ARL15: variants seen among roughly 807,000 people sequenced by gnomAD.
The protein encoded by ARL15 is ARF like GTPase 15.
In ARL15, 19 loss-of-function variants were observed where a neutral mutation model predicts 25.2. The observed-to-expected ratio is 0.75, with a 90% CI of 0.53 to 1.10. The LOEUF (loss-of-function observed/expected upper bound fraction) is 1.10, where lower values mean the gene tolerates loss of function less well. Among genes scored for constraint, ARL15 ranks in the 50% least tolerant of loss-of-function variants. The pLI is 0.00. For missense variants in ARL15, 220 were observed against 246.0 expected (o/e 0.89, Z 0.71); for synonymous variants, 94 against 86.8 (o/e 1.08, Z -0.46).
intron 4 of ARL15, among the ~76,000 whole-genome samples, chr5:53,965,932 A>C (rs909071390): frequency 6.6e-6 from 1 of 152,210 alleles, no homozygotes; most frequent in African/African-American, 2.4e-5. Context: ...TCTGCAGTGT[A>C]TTAAAAGGTA....
intron 4 of ARL15, among the ~76,000 whole-genome samples, chr5:54,013,364 C>T (rs958711027): frequency 6.6e-6 from 1 of 152,174 alleles, no homozygotes; most frequent in Non-Finnish European, 1.5e-5. Context: ...GGCTGGCTGT[C>T]CTCACTCATT....
chr5:53,986,887 G>A (rs897548666), intron 4 of ARL15, among the ~76,000 whole-genome samples: 15 of 152,184 alleles, frequency 9.9e-5, no homozygotes, highest in Non-Finnish European at 2.1e-4. Context: ...AAACAAAGAG[G>A]GGATGGGATT....
chr5:53,991,056 G>C (rs1748474021), intron 4 of ARL15, among the ~76,000 whole-genome samples: 1 of 151,906 alleles, frequency 6.6e-6, no homozygotes, highest in Non-Finnish European at 1.5e-5. Context: ...CCACCCCATG[G>C]GTATAATTCC....
chr5:54,185,480 G>C (rs1174780721), intron 1 of ARL15, among the ~76,000 whole-genome samples: 2 of 152,190 alleles, frequency 1.3e-5, no homozygotes, highest in South Asian at 2.1e-4. Flanking sequence ...ACTGGACTTA[G>C]AGCACTTGAA....
chr5:54,019,543 G>A (rs1416029967), intron 4 of ARL15, among the ~76,000 whole-genome samples: 4 of 152,200 alleles, frequency 2.6e-5, no homozygotes. Context: ...CGACAGTTAA[G>A]TATGTTGGGG....
chr5:53,996,756 G>T (rs554977312), intron 4 of ARL15, among the ~76,000 whole-genome samples: 1 of 152,068 alleles, frequency 6.6e-6, no homozygotes, highest in Non-Finnish European at 1.5e-5. Context: ...AAGTCCCCTA[G>T]GTAGGAATGG....
At chr5:54,280,340 A>G (rs1217810738) in intron 1 of ARL15, among the ~76,000 whole-genome samples, 2 of 152,226 alleles carry the variant, frequency 1.3e-5, no homozygotes, top group Admixed American at 6.5e-5. Context: ...ATAACTAAAA[A>G]ACATGTTTAG....
In ARL15 at chr5:54,092,612, T is replaced by C. The variant is rs1313093946; in HGVS notation, c.462+20590A>G. On this transcript the variant is annotated intron_variant, in intron 4 of 4. Transcript: ENST00000504924. ...CTGGATATAGGGGCTATTAACCTTT[T>C]AATCTTTGCATTATTCCTTAAAGCG... Among the ~76,000 whole-genome samples the C allele has an allele frequency of 4.3e-4, 65 of 152,206 alleles. 2 individuals are homozygous for C.
chr5:53,989,011 T>G (rs1664795), intron 4 of ARL15, among the ~76,000 whole-genome samples: 96,528 of 151,970 alleles, frequency 0.64, 31,129 homozygotes, highest in East Asian at 0.86. Context: ...TCTGCAAGGC[T>G]GATGGGCTAG....
chr5:54,214,189 C>T (rs370427754), intron 1 of ARL15, among the ~76,000 whole-genome samples: 1 of 152,150 alleles, frequency 6.6e-6, no homozygotes, highest in Non-Finnish European at 1.5e-5. Flanking sequence ...TAATAAGAAG[C>T]CTTCAGCTCC....
At chr5:54,201,752 T>C (rs774403720) in intron 1 of ARL15, among the ~76,000 whole-genome samples, 3 of 152,182 alleles carry the variant, frequency 2.0e-5, no homozygotes, top group Non-Finnish European at 4.4e-5. Flanking sequence ...ATACCTATGG[T>C]GATGGTCCTG....
At chr5:54,055,054 AC>A (rs1226992430) in intron 4 of ARL15, among the ~76,000 whole-genome samples, 20 of 152,334 alleles carry the variant, frequency 1.3e-4, no homozygotes, top group Admixed American at 8.5e-4. Flanking sequence ...GGCTTTTAGT[AC>A]ATACAGAGTT....
At chr5:54,064,878 G>A (rs1751169929) in intron 4 of ARL15, among the ~76,000 whole-genome samples, 1 of 152,154 alleles carries the variant, frequency 6.6e-6, no homozygotes, top group Non-Finnish European at 1.5e-5. Context: ...CACATTTATG[G>A]ATAGCCAACT....
chr5:53,991,572 G>A (rs1748498214), intron 4 of ARL15, among the ~76,000 whole-genome samples: 1 of 147,446 alleles, frequency 6.8e-6, no homozygotes, highest in Non-Finnish European at 1.5e-5. Flanking sequence ...GGGGGGGCGG[G>A]GGGCAATTGA....
chr5:53,984,705 T>A (rs1748231447), intron 4 of ARL15, among the ~76,000 whole-genome samples: 1 of 152,206 alleles, frequency 6.6e-6, no homozygotes, highest in Admixed American at 6.5e-5. Flanking sequence ...TACCATCTAT[T>A]TATTTTCCCC....
chr5:53,997,640 A>C (rs1036293404), intron 4 of ARL15, among the ~76,000 whole-genome samples: 1 of 152,186 alleles, frequency 6.6e-6, no homozygotes, highest in African/African-American at 2.4e-5. Context: ...CAGATTCTTC[A>C]GTGGGCATCC....
At chr5:53,940,208 C>T (rs577954358) in intron 4 of ARL15, among the ~76,000 whole-genome samples, 5 of 152,046 alleles carry the variant, frequency 3.3e-5, no homozygotes, top group Non-Finnish European at 7.4e-5. Context: ...CTCCTGACCC[C>T]GTCATCCGCC....
At chr5:54,025,101 T>G (rs1232736241) in intron 4 of ARL15, among the ~76,000 whole-genome samples, 1 of 152,136 alleles carries the variant, frequency 6.6e-6, no homozygotes, top group Non-Finnish European at 1.5e-5. Context: ...CAGGCAGATT[T>G]GATATCTACA....
chr5:54,046,843 A>G (rs1341657688), intron 4 of ARL15, among the ~76,000 whole-genome samples: 1 of 152,170 alleles, frequency 6.6e-6, no homozygotes, highest in Non-Finnish European at 1.5e-5. Flanking sequence ...GGGGCAACAG[A>G]GTTTGGTCAG....
Sources: gnomAD v4.1 joint callset for allele counts (sites outside exome capture counted in the v4.1 genomes callset) on GRCh38, gnomAD v4.1.1 for gene constraint, MANE v1.5 for transcripts, NCBI Gene and HGNC (gene_info 2026-07-23, HGNC 2026-07-21) for gene names.